CPVL: variants seen among roughly 807,000 people sequenced by gnomAD.
The protein encoded by CPVL is probable serine carboxypeptidase CPVL.
In CPVL, 51 loss-of-function variants were observed where a neutral mutation model predicts 63.7. The ratio of observed to expected loss-of-function variants is 0.80; its 90% confidence interval spans 0.64 to 1.01. CPVL has a LOEUF of 1.01. Among genes scored for constraint, CPVL ranks in the 50% least tolerant of loss-of-function variants. The pLI, the probability that CPVL is intolerant of heterozygous loss-of-function variation, is 0.00. For synonymous variants in CPVL, 195 were observed against 206.0 expected, an observed-to-expected ratio of 0.95 and a Z score of 0.46; for missense variants, 530 against 573.1, an observed-to-expected ratio of 0.92 and a Z score of 0.77.
chr7:29,025,802 T>C (rs531316041), intron 12 of CPVL, among the ~76,000 whole-genome samples: 2 of 152,292 alleles, frequency 1.3e-5, no homozygotes, highest in Non-Finnish European at 2.9e-5. Context: ...CAGCCAACAC[T>C]GGAGCACCCA....
intron 1 of CPVL, among the ~76,000 whole-genome samples, chr7:29,189,411 A>G (rs1310450884): frequency 1.3e-5 from 2 of 152,184 alleles, no homozygotes; most frequent in African/African-American, 4.8e-5. Flanking sequence ...ATTTTCATAG[A>G]AAAAGAGCAT....
At chr7:29,064,327 C>A (rs1399086888) in intron 10 of CPVL, 93 bp from the exon 11 acceptor site, 3 of 653,808 alleles carry the variant, frequency 4.6e-6, no homozygotes, top group Non-Finnish European at 7.1e-6. Flanking sequence ...TAACATACAA[C>A]ATGGAGAAAC....
At chr7:29,068,306 C>T (rs942720500) in intron 9 of CPVL, among the ~76,000 whole-genome samples, 86 of 152,124 alleles carry the variant, frequency 5.7e-4, no homozygotes, top group African/African-American at 2.0e-3. Flanking sequence ...TAAGCCACCG[C>T]CCCCGGCCTG....
intron 12 of CPVL, among the ~76,000 whole-genome samples, chr7:29,018,588 AG>A (rs1360258014): frequency 6.6e-6 from 1 of 152,092 alleles, no homozygotes; most frequent in Admixed American, 6.6e-5. Flanking sequence ...CATGTTGGCC[AG>A]GCTGGTCTCG....
intron 5 of CPVL, among the ~76,000 whole-genome samples, chr7:29,156,150 G>GT (rs1794337509): frequency 6.6e-6 from 1 of 152,188 alleles, no homozygotes; most frequent in African/African-American, 2.4e-5. Context: ...TTACTTTTGA[G>GT]TTTTTTGACA....
chr7:29,145,547 G>A (rs1270181233), intron 1 of CPVL, among the ~76,000 whole-genome samples: 1 of 151,988 alleles, frequency 6.6e-6, no homozygotes, highest in Non-Finnish European at 1.5e-5. Context: ...TATATGGCCA[G>A]AGTTTTAAAC....
At chr7:29,083,264 C>CT (rs1784911567) in intron 7 of CPVL, among the ~76,000 whole-genome samples, 1 of 152,248 alleles carries the variant, frequency 6.6e-6, no homozygotes, top group Non-Finnish European at 1.5e-5. Context: ...TTGCCAGCAT[C>CT]TTTACAGCCC....
At chr7:29,118,772 A>G (rs1463305100) in intron 2 of CPVL, among the ~76,000 whole-genome samples, 2 of 152,184 alleles carry the variant, frequency 1.3e-5, no homozygotes, top group East Asian at 1.9e-4. Context: ...TGATCTTTAA[A>G]ATGACCATTT....
intron 1 of CPVL, among the ~76,000 whole-genome samples, chr7:29,187,264 A>G (rs1190328443): frequency 6.6e-6 from 1 of 152,122 alleles, no homozygotes; most frequent in African/African-American, 2.4e-5. Context: ...AAATTCCACC[A>G]GGTTTCTCAC....
intron 1 of CPVL, chr7:29,192,840 G>A (rs1011704213): frequency 1.3e-5 from 2 of 152,184 alleles, no homozygotes; most frequent in Admixed American, 6.5e-5. Flanking sequence ...TCTACCGGGC[G>A]ACATAGCCAA....
chr7:29,102,092 C>T (rs1339216882), intron 3 of CPVL, among the ~76,000 whole-genome samples: 1 of 152,172 alleles, frequency 6.6e-6, no homozygotes, highest in Non-Finnish European at 1.5e-5. Context: ...TTTATAGTTA[C>T]GAGCATGGAT....
chr7:29,052,441 A>C (rs1459966125), intron 11 of CPVL, among the ~76,000 whole-genome samples: 4 of 15,412 alleles, frequency 2.6e-4, no homozygotes, highest in East Asian at 2.0e-3. Flanking sequence ...ATTCAGTTCC[A>C]AAAAAAAAAA....
intron 5 of CPVL, among the ~76,000 whole-genome samples, chr7:29,157,053 G>C (rs1015274583): frequency 6.6e-6 from 1 of 152,158 alleles, no homozygotes; most frequent in African/African-American, 2.4e-5. Context: ...TGGAAAGGAA[G>C]CCAGCCTCCT....
rs1314830094 is a variant in CPVL at position 28,995,888 on chromosome 7, A to G, written c.1321-6T>C. 2.0e-6 allele frequency: 3 copies of G among 1,520,134 alleles called. No homozygotes were observed. Among genetic ancestry groups the G allele is most frequent in the Non-Finnish European group, 2.7e-6 (3 of 1,118,042 alleles). 94.2% of individuals were successfully genotyped at this position (1,520,134 alleles called of 1,614,324 possible). On this transcript the variant is annotated splice_polypyrimidine_tract_variant and splice_region_variant and intron_variant, in intron 12 of 12. Coordinates refer to ENST00000265394, the MANE Select transcript of CPVL (RefSeq NM_031311.5). ...CCTCCACCTCGAATAATTACCTTAA[A>G]AAGAAAAAGTAAAAGAACGGAAATT...
intron 11 of CPVL, among the ~76,000 whole-genome samples, chr7:29,055,081 T>A (rs763102467): frequency 2.0e-5 from 3 of 152,218 alleles, no homozygotes; most frequent in Non-Finnish European, 4.4e-5. Flanking sequence ...TATCTGAAAG[T>A]GCCTTGGCTA....
chr7:29,145,423 C>T (rs1792420011), intron 1 of CPVL, among the ~76,000 whole-genome samples: 1 of 152,044 alleles, frequency 6.6e-6, no homozygotes, highest in East Asian at 1.9e-4. Flanking sequence ...CCAGGAATTG[C>T]ACAGAATTGT....
intron 5 of CPVL, among the ~76,000 whole-genome samples, chr7:29,157,923 T>C (rs1794641969): frequency 6.6e-6 from 1 of 152,168 alleles, no homozygotes; most frequent in Non-Finnish European, 1.5e-5. Context: ...TTACTCTTCC[T>C]TATGAAAATA....
At chr7:29,133,125 G>A (rs928062407) in intron 1 of CPVL, among the ~76,000 whole-genome samples, 1 of 151,314 alleles carries the variant, frequency 6.6e-6, no homozygotes, top group Non-Finnish European at 1.5e-5. Context: ...AAGCCCACAG[G>A]CTGGTTCATC....
intron 5 of CPVL, among the ~76,000 whole-genome samples, chr7:29,177,358 A>G (rs1415962056): frequency 6.6e-6 from 1 of 151,976 alleles, no homozygotes; most frequent in Non-Finnish European, 1.5e-5. Flanking sequence ...GGTTCAAGCA[A>G]TTCTCCTGCC....
Sources: gnomAD v4.1 joint callset for allele counts (sites outside exome capture counted in the v4.1 genomes callset) on GRCh38, gnomAD v4.1.1 for gene constraint, MANE v1.5 for transcripts, NCBI Gene and HGNC (gene_info 2026-07-23, HGNC 2026-07-21) for gene names.